Variants in ADGRL3 observed in about 807,000 individuals in gnomAD.
ADGRL3 encodes calcium-independent alpha-latrotoxin receptor 3.
In ADGRL3, 62 loss-of-function variants were observed where a neutral mutation model predicts 153.5. The observed-to-expected ratio is 0.40, with a 90% CI of 0.33 to 0.50. The LOEUF is 0.50. ADGRL3 is among the 20% of genes least tolerant of loss of function. The probability of loss-of-function intolerance (pLI) is 0.47; values close to 1 mark genes in which losing one functional copy is unlikely to be tolerated. For missense variants in ADGRL3, 1,641 were observed against 1,859.4 expected, an observed-to-expected ratio of 0.88 and a Z score of 2.16; for synonymous variants, 710 against 672.5, an observed-to-expected ratio of 1.06 and a Z score of -0.86.
intron 17 of ADGRL3, among the ~76,000 whole-genome samples, chr4:61,971,312 A>T (rs1046214083): frequency 6.6e-6 from 1 of 151,350 alleles, no homozygotes; most frequent in African/African-American, 2.4e-5. Flanking sequence ...CCCCGCTCCC[A>T]CCACCCCACA....
At chr4:61,739,322 T>C (rs1032495228) in intron 8 of ADGRL3, among the ~76,000 whole-genome samples, 15 of 150,972 alleles carry the variant, frequency 9.9e-5, no homozygotes, top group Non-Finnish European at 2.2e-4. Context: ...TTTTTTTTGA[T>C]TGGAGACAGA....
At chr4:61,761,413 G>T (rs570580503) in intron 8 of ADGRL3, among the ~76,000 whole-genome samples, 12 of 152,272 alleles carry the variant, frequency 7.9e-5, no homozygotes, top group East Asian at 1.9e-4. Context: ...TTATAATTTT[G>T]CATGATCTTG....
At chr4:61,543,621 A>G (rs1381175193) in intron 4 of ADGRL3, among the ~76,000 whole-genome samples, 1 of 152,168 alleles carries the variant, frequency 6.6e-6, no homozygotes, top group African/African-American at 2.4e-5. Flanking sequence ...TCCATTTTCA[A>G]GTTCATTCTC....
rs542256806 is a variant in ADGRL3, at chr4:61,931,277, G to A, written c.2113-3563G>A. On this transcript the variant is annotated intron_variant, in intron 13 of 26. Transcript: ENST00000683033. ...ACCAAATTATGAAGATTGCATTACC[G>A]AAGATTTATTCCTTCCAGATTTCAA... Among the ~76,000 whole-genome samples, 8 of 152,246 alleles carry A rather than the reference G, an allele frequency of 5.3e-5. No individual in the cohort carries two copies. In the South Asian group the frequency reaches 8.3e-4, roughly 16 times the overall value.
rs757826968 is a variant in ADGRL3 at position 61,795,392 on chromosome 4, GGTGTGAGCCACTCT to G, written c.1400-18413_1400-18400del. On this transcript the variant is annotated intron_variant, in intron 8 of 26. Coordinates refer to ENST00000683033, the MANE Select transcript of ADGRL3 (RefSeq NM_001387552.1). Reference sequence around the variant, plus strand: ...ATCCTCCCAGAGGGCTGGAATTACAGGTGTGAGCCACTCTGTGGGCCGCAACCTATATTTAAAAA... The same window carrying G: ...ATCCTCCCAGAGGGCTGGAATTACAGGTGGGCCGCAACCTATATTTAAAAA... Among the ~76,000 whole-genome samples, 139 of 152,282 alleles carry G rather than the reference GGTGTGAGCCACTCT, an allele frequency of 9.1e-4. No homozygotes were observed. The Middle Eastern group carries it at 0.01, about 11-fold the overall frequency.
chr4:61,485,264 T>C (rs899155428), intron 2 of ADGRL3, among the ~76,000 whole-genome samples: 3 of 152,190 alleles, frequency 2.0e-5, no homozygotes, highest in Non-Finnish European at 4.4e-5. Flanking sequence ...TATGGGAAAA[T>C]TATATTGCGA....
At chr4:61,698,872 C>A (rs1238202440) in intron 6 of ADGRL3, among the ~76,000 whole-genome samples, 1 of 152,084 alleles carries the variant, frequency 6.6e-6, no homozygotes, top group Non-Finnish European at 1.5e-5. Flanking sequence ...ATTATTTAAT[C>A]CAGTTAAAAT....
intron 13 of ADGRL3, among the ~76,000 whole-genome samples, chr4:61,926,706 A>G (rs2098795809): frequency 6.6e-6 from 1 of 152,108 alleles, no homozygotes; most frequent in African/African-American, 2.4e-5. Context: ...TCTGGAATAC[A>G]CTCCACAAAT....
chr4:61,578,195 A>G (rs2098902137), intron 4 of ADGRL3, among the ~76,000 whole-genome samples: 1 of 152,052 alleles, frequency 6.6e-6, no homozygotes, highest in Admixed American at 6.6e-5. Flanking sequence ...GTGACACCCA[A>G]GGAGAGTTAT....
At chr4:61,708,415 T>C (rs2095893542) in intron 6 of ADGRL3, among the ~76,000 whole-genome samples, 1 of 152,096 alleles carries the variant, frequency 6.6e-6, no homozygotes, top group Non-Finnish European at 1.5e-5. Context: ...TAAAATATGG[T>C]TTAAAACATG....
intron 1 of ADGRL3, among the ~76,000 whole-genome samples, chr4:61,373,332 A>C (rs2096563407): frequency 6.6e-6 from 1 of 152,186 alleles, no homozygotes; most frequent in Admixed American, 6.5e-5. Context: ...CTATTCTTAA[A>C]ATTGTAATAA....
chr4:61,242,502 A>T (rs913479867), intron 1 of ADGRL3, among the ~76,000 whole-genome samples: 5 of 151,996 alleles, frequency 3.3e-5, no homozygotes, highest in African/African-American at 1.2e-4. Context: ...ATCAATGGCC[A>T]TTTACACTGT....
intron 25 of ADGRL3, among the ~76,000 whole-genome samples, chr4:62,049,189 G>T (rs1259940776): frequency 2.0e-5 from 3 of 151,990 alleles, no homozygotes; most frequent in African/African-American, 7.2e-5. Flanking sequence ...TACCAATATG[G>T]ATCTTTGAAT....
intron 21 of ADGRL3, among the ~76,000 whole-genome samples, chr4:62,014,213 C>T (rs2099200856): frequency 6.6e-6 from 1 of 152,082 alleles, no homozygotes; most frequent in Non-Finnish European, 1.5e-5. Context: ...CTGGTGATGG[C>T]ACTTCCACCA....
Position 61,867,652 on chromosome 4 carries a change from T to A in ADGRL3, c.1481-25004T>A, listed in dbSNP as rs540916745. 4.6e-5 allele frequency among the ~76,000 whole-genome samples: 7 copies of A among 151,162 alleles called. No individual in the cohort carries two copies. In the South Asian group the frequency reaches 1.3e-3, roughly 27 times the overall value. On this transcript the variant is annotated intron_variant, in intron 9 of 26. Coordinates refer to ENST00000683033, the MANE Select transcript of ADGRL3 (RefSeq NM_001387552.1). The stretch of plus-strand genomic sequence containing the variant: ...GTATAGATTTATTTAATATGTTTTA[T>A]GTGACACAAGAGCCTTCAGAAATGA...
At chr4:61,895,001 A>C (rs2098619001) in intron 10 of ADGRL3, among the ~76,000 whole-genome samples, 1 of 152,196 alleles carries the variant, frequency 6.6e-6, no homozygotes, top group Non-Finnish European at 1.5e-5. Flanking sequence ...AAAAACTTGA[A>C]GTTTCCCAAA....
At chr4:61,929,674 G>A (rs2098809197) in intron 13 of ADGRL3, among the ~76,000 whole-genome samples, 1 of 152,168 alleles carries the variant, frequency 6.6e-6, no homozygotes, top group South Asian at 2.1e-4. Context: ...CTTGCCGTCT[G>A]TCCAATGGGA....
At chr4:61,970,036 G>A (rs2099021254) in intron 17 of ADGRL3, among the ~76,000 whole-genome samples, 1 of 152,106 alleles carries the variant, frequency 6.6e-6, no homozygotes, top group African/African-American at 2.4e-5. Flanking sequence ...TGGGCAGTTG[G>A]TTGCCCTATT....
intron 5 of ADGRL3, among the ~76,000 whole-genome samples, chr4:61,604,554 TG>T (rs1388135009): frequency 1.3e-5 from 2 of 152,176 alleles, no homozygotes; most frequent in African/African-American, 4.8e-5. Context: ...GAAACTCAAA[TG>T]ATCCTTTCTT....
Sources: allele counts gnomAD v4.1 joint callset (sites outside exome capture counted in the v4.1 genomes callset), GRCh38; gene constraint gnomAD v4.1.1; transcripts MANE v1.5; gene names NCBI Gene and HGNC (gene_info 2026-07-23, HGNC 2026-07-21).